Variants in SPATS2 observed in about 807,000 individuals in gnomAD.
The protein encoded by SPATS2 is spermatogenesis-associated serine-rich protein 2.
SPATS2 carries 38 observed loss-of-function variants against 63.7 expected under a neutral mutation model. The observed-to-expected ratio is 0.60, with a 90% CI of 0.46 to 0.78. The LOEUF is 0.78. Among genes scored for constraint, SPATS2 ranks in the 30% least tolerant of loss-of-function variants. The pLI, the probability that SPATS2 is intolerant of heterozygous loss-of-function variation, is 0.00. For missense variants in SPATS2, 588 were observed against 666.2 expected (o/e 0.88, Z 1.29); for synonymous variants, 207 against 232.9 (o/e 0.89, Z 1.01).
chr12:49,458,355 C>T (rs1241546417), intron 2 of SPATS2, among the ~76,000 whole-genome samples: 1 of 151,662 alleles, frequency 6.6e-6, no homozygotes, highest in Non-Finnish European at 1.5e-5. Context: ...GTAGTCCCAG[C>T]TCGTTGGGAG....
chr12:49,520,736 T>TTG (rs113559508), intron 11 of SPATS2, among the ~76,000 whole-genome samples: 2,022 of 152,158 alleles, frequency 0.013, 46 homozygotes, highest in African/African-American at 0.046. Flanking sequence ...AATTTTTTTT[T>TTG]TTTTTTGAGT....
intron 3 of SPATS2, among the ~76,000 whole-genome samples, chr12:49,475,561 C>T (rs1039833552): frequency 2.0e-5 from 3 of 152,160 alleles, no homozygotes; most frequent in African/African-American, 4.8e-5. Flanking sequence ...CTGCCTCAGC[C>T]TCCCGAGTAG....
chr12:49,375,550 G>A lies in SPATS2; in HGVS notation c.-244+4260G>A, dbSNP rs575706371. On this transcript the variant is annotated intron_variant, in intron 2 of 13. Coordinates refer to ENST00000552918, the MANE Select transcript of SPATS2 (RefSeq NM_023071.4). Reference sequence around the variant, plus strand: ...CCTACTGTTAAAAATGATTCAAAATGTACATTAGTGTGTGGCAGAAGTGAC... The same window carrying A: ...CCTACTGTTAAAAATGATTCAAAATATACATTAGTGTGTGGCAGAAGTGAC... 7.2e-5 allele frequency among the ~76,000 whole-genome samples: 11 copies of A among 152,212 alleles called. No homozygotes were observed. In the South Asian group the frequency reaches 2.3e-3, roughly 32 times the overall value.
intron 7 of SPATS2, among the ~76,000 whole-genome samples, chr12:49,495,307 C>G (rs1946447071): frequency 6.6e-6 from 1 of 152,048 alleles, no homozygotes; most frequent in African/African-American, 2.4e-5. Context: ...CATTCTCATG[C>G]CTCAGCCTCC....
rs566591457 is a variant in SPATS2 at position 49,496,944 on chromosome 12, C to A, written c.638C>A (p.Thr213Asn). 5.0e-6 allele frequency: 8 copies of A among 1,608,122 alleles called. No individual in the cohort carries two copies. The highest frequency in any genetic ancestry group is 6.8e-6 in the Non-Finnish European group (8 of 1,177,926). The change falls in exon 8 of 14, where the codon ACC becomes AAC. Residue 213 changes from threonine to asparagine, a missense_variant. Coordinates refer to ENST00000552918, the MANE Select transcript of SPATS2 (RefSeq NM_023071.4). ...GCTGCCAAATCTCTCTCAAGACCTA[C>A]CACAGAAACTCAGTTTTCAAATATG... ...RNAAKSLSRP[T>N]TETQFSNMGM...
At chr12:49,428,273 CAA>C (rs35741319) in intron 2 of SPATS2, among the ~76,000 whole-genome samples, 6 of 138,680 alleles carry the variant, frequency 4.3e-5, no homozygotes, top group African/African-American at 1.3e-4. Context: ...AACAAACAAA[CAA>C]AAAAAAAAAA....
chr12:49,478,593 G>T (rs1252594402), intron 3 of SPATS2, among the ~76,000 whole-genome samples: 4 of 152,196 alleles, frequency 2.6e-5, no homozygotes, highest in Non-Finnish European at 5.9e-5. Flanking sequence ...TGTAAGAATT[G>T]GCACTTACAT....
At chr12:49,457,716 A>C (rs936115345) in intron 2 of SPATS2, among the ~76,000 whole-genome samples, 3 of 152,166 alleles carry the variant, frequency 2.0e-5, no homozygotes, top group African/African-American at 7.2e-5. Context: ...TACAGGTGTG[A>C]GCCACCATGC....
chr12:49,470,028 G>A (rs1946006387), intron 3 of SPATS2, among the ~76,000 whole-genome samples: 1 of 151,892 alleles, frequency 6.6e-6, no homozygotes, highest in African/African-American at 2.4e-5. Context: ...CTACCAAGTT[G>A]TTTCTCCTTT....
At chr12:49,434,221 C>T (rs1435393378) in intron 2 of SPATS2, among the ~76,000 whole-genome samples, 2 of 152,158 alleles carry the variant, frequency 1.3e-5, no homozygotes, top group African/African-American at 4.8e-5. Flanking sequence ...GTGAGGCCTC[C>T]AACTCCTTGT....
intron 2 of SPATS2, among the ~76,000 whole-genome samples, chr12:49,373,377 C>A (rs552964971): frequency 2.7e-4 from 41 of 152,318 alleles, no homozygotes; most frequent in Admixed American, 1.7e-3. Flanking sequence ...ATGCCATTTT[C>A]TGGGGGCCTT....
intron 2 of SPATS2, among the ~76,000 whole-genome samples, chr12:49,400,755 G>A (rs541227371): frequency 6.6e-6 from 1 of 152,190 alleles, no homozygotes; most frequent in Non-Finnish European, 1.5e-5. Context: ...CCAAATAGAG[G>A]AGTGGGAGAA....
At chr12:49,392,305 C>G (rs1474093388) in intron 2 of SPATS2, among the ~76,000 whole-genome samples, 3 of 151,808 alleles carry the variant, frequency 2.0e-5, no homozygotes, top group African/African-American at 7.3e-5. Context: ...GCATGGGAAC[C>G]TATTTTATTA....
intron 3 of SPATS2, 177 bp downstream of exon 3, chr12:49,461,214 C>G: frequency 1.5e-6 from 1 of 657,048 alleles, no homozygotes; most frequent in South Asian, 2.2e-5. Context: ...ATAACAATAG[C>G]TTTTCTACTC....
intron 2 of SPATS2, chr12:49,390,186 C>T: frequency 2.1e-6 from 3 of 1,398,568 alleles, no homozygotes; most frequent in Non-Finnish European, 2.9e-6. Context: ...AGTCTGTGAG[C>T]TTCTTACATG....
chr12:49,417,274 A>G (rs2137396829), intron 2 of SPATS2, among the ~76,000 whole-genome samples: 1 of 152,350 alleles, frequency 6.6e-6, no homozygotes, highest in South Asian at 2.1e-4. Flanking sequence ...CATAAGTAAC[A>G]TCTTTGCAAG....
rs1945544535 is a variant in SPATS2 at position 49,447,917 on chromosome 12, C to T, written c.-243-12853C>T. On this transcript the variant is annotated intron_variant, in intron 2 of 13. Coordinates refer to ENST00000552918, the MANE Select transcript of SPATS2 (RefSeq NM_023071.4). ...ACCAACTTTTGGTTTTATTGCTTTTCTCTAGTGTTTTTCCATATACTCTTT... is the reference window on the plus strand; with the variant it reads ...ACCAACTTTTGGTTTTATTGCTTTTTTCTAGTGTTTTTCCATATACTCTTT... 2.0e-5 allele frequency among the ~76,000 whole-genome samples: 3 copies of T among 151,884 alleles called. No individual in the cohort carries two copies. The South Asian group carries it at 6.2e-4, about 31-fold the overall frequency.
rs560646243 is a variant in SPATS2 at position 49,481,560 on chromosome 12, C to T, written c.26-3030C>T. ...TCAGCTCACTGCAACCTCTGCCTCCCGGGTTCAAGCAATTCTCCTGCTTCA... is the reference window on the plus strand; with the variant it reads ...TCAGCTCACTGCAACCTCTGCCTCCTGGGTTCAAGCAATTCTCCTGCTTCA... On this transcript the variant is annotated intron_variant, in intron 3 of 13. Transcript: ENST00000552918. Among the ~76,000 whole-genome samples the T allele has an allele frequency of 1.2e-3, 175 of 149,716 alleles. 1 individual carries two copies. Among genetic ancestry groups the T allele is most frequent in the African/African-American group, 4.2e-3 (170 of 40,650 alleles).
At chr12:49,513,210 A>AGTGT (rs71860115) in intron 9 of SPATS2, among the ~76,000 whole-genome samples, 7,454 of 148,088 alleles carry the variant, frequency 0.05, 214 homozygotes, top group African/African-American at 0.072. Flanking sequence ...AGAGAGAAAG[A>AGTGT]GTGTGTGTGT....
Sources: gnomAD v4.1 joint callset for allele counts (sites outside exome capture counted in the v4.1 genomes callset) on GRCh38, gnomAD v4.1.1 for gene constraint, MANE v1.5 for transcripts, NCBI Gene and HGNC (gene_info 2026-07-23, HGNC 2026-07-21) for gene names.